Variants in CPED1 observed in about 807,000 individuals in gnomAD.
CPED1 encodes cadherin-like and PC-esterase domain-containing protein 1.
CPED1 carries 114 observed loss-of-function variants against 128.2 expected under a neutral mutation model. The observed-to-expected ratio is 0.89, with a 90% CI of 0.76 to 1.04. The LOEUF is 1.04. Among genes scored for constraint, CPED1 ranks in the 50% least tolerant of loss-of-function variants. The pLI, the probability that CPED1 is intolerant of heterozygous loss-of-function variation, is 0.00. For missense variants in CPED1, 1,211 were observed against 1,207.1 expected, an observed-to-expected ratio of 1.00 and a Z score of -0.05; for synonymous variants, 462 against 426.7, an observed-to-expected ratio of 1.08 and a Z score of -1.02.
intron 2 of CPED1, among the ~76,000 whole-genome samples, chr7:120,995,980 T>C (rs967171605): frequency 2.0e-5 from 3 of 151,910 alleles, no homozygotes; most frequent in African/African-American, 4.8e-5. Flanking sequence ...CTTCTTCTTC[T>C]TCTTCTTCTT....
At position 121,130,198 on chromosome 7, in the gene CPED1, A is replaced by G; in HGVS notation, c.1481A>G (p.Asn494Ser). Residue 494 changes from asparagine to serine, a missense_variant, in exon 12 of 23, where the codon AAT (asparagine) becomes AGT (serine). Asn to Ser is a conservative substitution (Grantham distance 46). Transcript: ENST00000310396. Reference protein sequence around the residue: ...EFYDVANPVGNPGSVLTQYWS... With the variant: ...EFYDVANPVGSPGSVLTQYWS... ...TATGATGTGGCAAATCCTGTGGGAA[A>G]TCCTGGCTCAGTCCTGACCCAATAC... 1 of 1,612,726 alleles carries G rather than the reference A, an allele frequency of 6.2e-7. No individual in the cohort carries two copies. Among genetic ancestry groups the G allele is most frequent in the South Asian group, 1.1e-5 (1 of 91,018 alleles).
At chr7:121,048,264 T>A (rs1431925850) in intron 4 of CPED1, among the ~76,000 whole-genome samples, 1 of 152,198 alleles carries the variant, frequency 6.6e-6, no homozygotes. Flanking sequence ...CACAGACATA[T>A]CAAACTCAAC....
chr7:121,017,788 G>A (rs919778937), intron 3 of CPED1, among the ~76,000 whole-genome samples: 3 of 152,122 alleles, frequency 2.0e-5, no homozygotes, highest in Non-Finnish European at 4.4e-5. Context: ...GAATTACTCT[G>A]CAGCTTCCAA....
intron 22 of CPED1, among the ~76,000 whole-genome samples, chr7:121,274,591 C>T (rs957468554): frequency 6.6e-6 from 1 of 152,072 alleles, no homozygotes; most frequent in Non-Finnish European, 1.5e-5. Flanking sequence ...CAACATACAG[C>T]TGATATGATC....
Position 120,989,540 on chromosome 7 carries a change from T to C in CPED1, c.-82T>C. On this transcript the variant is annotated 5_prime_UTR_variant, in exon 2 of 23. Coordinates refer to ENST00000310396, the MANE Select transcript of CPED1 (RefSeq NM_024913.5). ...GGAGTTGGGGAAAAAGAAGACAGAT[T>C]AGTATTTTTCATGCTGACAAAAAAT... 6.6e-7 allele frequency: 1 copy of C among 1,524,880 alleles called. No homozygotes were observed. The highest frequency in any genetic ancestry group is 2.3e-5 in the East Asian group (1 of 44,278). The allele number at this position is 1,524,880 out of a possible 1,614,324, so 94.5% of individuals were successfully genotyped here.
chr7:121,180,261 G>A (rs1169878291), intron 16 of CPED1, among the ~76,000 whole-genome samples: 1 of 152,042 alleles, frequency 6.6e-6, no homozygotes, highest in Admixed American at 6.6e-5. Flanking sequence ...GGAGAGACAA[G>A]TGTTTTCAGC....
At chr7:121,085,785 T>C (rs538743051) in intron 5 of CPED1, among the ~76,000 whole-genome samples, 1 of 152,212 alleles carries the variant, frequency 6.6e-6, no homozygotes, top group Non-Finnish European at 1.5e-5. Context: ...TCATTGACGA[T>C]AGGGTTTAAA....
chr7:121,098,568 C>CA (rs1481629481), intron 6 of CPED1, among the ~76,000 whole-genome samples: 6 of 151,016 alleles, frequency 4.0e-5, no homozygotes, highest in African/African-American at 1.2e-4. Flanking sequence ...TCCATCTATA[C>CA]AAAAAATAGA....
chr7:121,179,789 G>C (rs926049781), intron 16 of CPED1, among the ~76,000 whole-genome samples: 3 of 151,990 alleles, frequency 2.0e-5, no homozygotes, highest in Non-Finnish European at 4.4e-5. Context: ...AAGGGAAGTA[G>C]TACATTTTAA....
At chr7:121,127,581 G>A (rs1366725714) in intron 10 of CPED1, among the ~76,000 whole-genome samples, 1 of 147,356 alleles carries the variant, frequency 6.8e-6, no homozygotes, top group Non-Finnish European at 1.5e-5. Context: ...TGTCACCCAG[G>A]CAGGAGTGCA....
chr7:121,118,945 G>A (rs558963090), intron 7 of CPED1, among the ~76,000 whole-genome samples: 25 of 152,186 alleles, frequency 1.6e-4, no homozygotes, highest in South Asian at 8.3e-4. Context: ...TTCTCAACAC[G>A]CCCCACCTGC....
At chr7:121,078,494 GAAA>G (rs1790722413) in intron 5 of CPED1, among the ~76,000 whole-genome samples, 12 of 39,554 alleles carry the variant, frequency 3.0e-4, no homozygotes, top group Non-Finnish European at 6.8e-4. Flanking sequence ...AAGAAAGAAA[GAAA>G]GAAAAAAAAA....
At chr7:121,130,079 T>G in intron 11 of CPED1, 46 bp from the exon 12 acceptor site, 1 of 1,426,230 alleles carries the variant, frequency 7.0e-7, no homozygotes, top group Non-Finnish European at 9.9e-7. Context: ...TAATACTACA[T>G]TATAATTTGT....
intron 2 of CPED1, chr7:120,994,053 C>G (rs1215604656): frequency 5.6e-6 from 1 of 178,586 alleles, no homozygotes; most frequent in Non-Finnish European, 1.3e-5. Context: ...AGTGAAAACG[C>G]TGTCCTTAGT....
chr7:121,261,504 G>A (rs1792015742), intron 18 of CPED1: 1 of 1,344,708 alleles, frequency 7.4e-7, no homozygotes, highest in Admixed American at 2.1e-5. Context: ...ATTTCTCAGT[G>A]TCTCCTGACA....
intron 4 of CPED1, among the ~76,000 whole-genome samples, chr7:121,057,855 CTAAG>C (rs1344993965): frequency 6.6e-6 from 1 of 151,842 alleles, no homozygotes; most frequent in East Asian, 1.9e-4. Context: ...AAAATAGTCG[CTAAG>C]TAATAATATG....
intron 16 of CPED1, among the ~76,000 whole-genome samples, chr7:121,194,510 G>A (rs1342497015): frequency 6.6e-6 from 1 of 151,958 alleles, no homozygotes; most frequent in African/African-American, 2.4e-5. Flanking sequence ...CACATATCAA[G>A]ACTAACGGAT....
intron 5 of CPED1, among the ~76,000 whole-genome samples, chr7:121,079,860 A>G (rs1314305454): frequency 1.3e-5 from 2 of 152,248 alleles, no homozygotes; most frequent in Non-Finnish European, 2.9e-5. Flanking sequence ...AGAGTTTGTC[A>G]TCTTGTGCCA....
intron 5 of CPED1, among the ~76,000 whole-genome samples, chr7:121,074,578 C>T (rs1262029957): frequency 1.6e-5 from 2 of 123,258 alleles, no homozygotes; most frequent in Non-Finnish European, 3.2e-5. Flanking sequence ...TATCCTTTCT[C>T]CTCAATGATT....
Sources: allele counts gnomAD v4.1 joint callset (sites outside exome capture counted in the v4.1 genomes callset), GRCh38; gene constraint gnomAD v4.1.1; transcripts MANE v1.5; gene names NCBI Gene and HGNC (gene_info 2026-07-23, HGNC 2026-07-21).